Variants in SLC1A3 observed in about 807,000 individuals in gnomAD.
SLC1A3 encodes excitatory amino acid transporter 1.
In SLC1A3, 21 loss-of-function variants were observed where a neutral mutation model predicts 48.1. The observed-to-expected ratio is 0.44, with a 90% CI of 0.31 to 0.63. SLC1A3 has a LOEUF of 0.63. Ranked by LOEUF, SLC1A3 falls within the 20% of genes least tolerant of loss-of-function variation. The pLI is 0.08. For missense variants in SLC1A3, 546 were observed against 689.0 expected (o/e 0.79, Z 2.32); for synonymous variants, 239 against 251.4 (o/e 0.95, Z 0.47).
Position 36,600,355 on chromosome 5 carries a change from G to A in SLC1A3, c.-96+3677G>A, listed in dbSNP as rs535789881. Among the ~76,000 whole-genome samples the A allele has an allele frequency of 4.3e-4, 66 of 152,268 alleles. 1 individual carries two copies. Among genetic ancestry groups the A allele is most frequent in the African/African-American group, 1.5e-3 (63 of 41,546 alleles). On this transcript the variant is annotated intron_variant, in intron 1 of 9. Coordinates refer to the SLC1A3 transcript ENST00000680318. ...CCTCACCTCACTCTTCAGTTTGGAG[G>A]AGAGGACCTCCTACAATACTGTATT...
At chr5:36,623,247 A>G (rs1739758031) in intron 2 of SLC1A3, among the ~76,000 whole-genome samples, 1 of 152,172 alleles carries the variant, frequency 6.6e-6, no homozygotes, top group South Asian at 2.1e-4. Context: ...GTAAAACAGA[A>G]ATCTTAACTA....
At chr5:36,673,530 G>C (rs1463016650) in intron 4 of SLC1A3, among the ~76,000 whole-genome samples, 1 of 152,140 alleles carries the variant, frequency 6.6e-6, no homozygotes, top group Admixed American at 6.5e-5. Flanking sequence ...CTCTCCATTG[G>C]CTACCAAAGA....
chr5:36,609,359 C>T (rs1739101754), intron 2 of SLC1A3: 1 of 687,676 alleles, frequency 1.5e-6, no homozygotes, highest in Admixed American at 6.3e-5. Flanking sequence ...CTGAAAAAAC[C>T]TACTTATTTG....
Position 36,683,958 on chromosome 5 carries a change from A to G in SLC1A3, c.1384A>G (p.Thr462Ala), listed in dbSNP as rs1255797502. 1 of 1,614,176 alleles carries G rather than the reference A, an allele frequency of 6.2e-7. No homozygotes were observed. ...TGTGCTGACATCTGTCGGCCTGCCC[A>G]CTGACGACATCACGCTCATCATCGC... ...VIVLTSVGLP[T>A]DDITLIIAVD... is the part of the protein sequence containing the mutation. Residue 462 changes from threonine (T) to alanine (A), a missense_variant, in exon 9 of 10, where the codon ACT (threonine) becomes GCT (alanine). Coordinates refer to ENST00000265113, the MANE Select transcript of SLC1A3 (RefSeq NM_004172.5).
chr5:36,654,585 C>T (rs935986202), intron 3 of SLC1A3, among the ~76,000 whole-genome samples: 2 of 152,150 alleles, frequency 1.3e-5, no homozygotes, highest in African/African-American at 2.4e-5. Context: ...CATTTCCTTT[C>T]CCCTAGCAAG....
At chr5:36,682,608 C>G (rs1010763893) in intron 8 of SLC1A3, among the ~76,000 whole-genome samples, 1 of 152,218 alleles carries the variant, frequency 6.6e-6, no homozygotes, top group South Asian at 2.1e-4. Flanking sequence ...CAGCTCTGCT[C>G]CACAAAGCCT....
intron 9 of SLC1A3, among the ~76,000 whole-genome samples, chr5:36,685,209 G>T (rs975202113): frequency 6.6e-5 from 10 of 152,020 alleles, no homozygotes; most frequent in Non-Finnish European, 1.3e-4. Context: ...AAACAAAAAG[G>T]TTATATATGC....
intron 2 of SLC1A3, among the ~76,000 whole-genome samples, chr5:36,614,351 G>A (rs1739340007): frequency 6.6e-6 from 1 of 152,102 alleles, no homozygotes; most frequent in Non-Finnish European, 1.5e-5. Context: ...GGAGGCTGGG[G>A]GGCAGAAGAT....
At chr5:36,648,345 A>G (rs1411859946) in intron 3 of SLC1A3, among the ~76,000 whole-genome samples, 1 of 152,188 alleles carries the variant, frequency 6.6e-6, no homozygotes, top group Non-Finnish European at 1.5e-5. Flanking sequence ...AAACCTTTTT[A>G]TTAACGATTA....
intron 8 of SLC1A3, among the ~76,000 whole-genome samples, chr5:36,681,471 CAGTGTA>C (rs1430303525): frequency 6.6e-6 from 1 of 152,106 alleles, no homozygotes; most frequent in Non-Finnish European, 1.5e-5. Flanking sequence ...AATTTTTAGA[CAGTGTA>C]AGATAGATGA....
intron 3 of SLC1A3, among the ~76,000 whole-genome samples, chr5:36,652,879 T>G (rs1296086871): frequency 5.3e-5 from 8 of 152,222 alleles, no homozygotes; most frequent in Non-Finnish European, 1.2e-4. Context: ...CTGCTGTGAA[T>G]AGCAAACTTG....
intron 3 of SLC1A3, among the ~76,000 whole-genome samples, chr5:36,651,271 C>T (rs1408715356): frequency 3.3e-5 from 5 of 152,010 alleles, no homozygotes; most frequent in East Asian, 3.9e-4. Context: ...CTGCCCTCTA[C>T]TATGGCCACC....
upstream of SLC1A3, among the ~76,000 whole-genome samples, chr5:36,606,078 G>A (rs1407822692): frequency 6.6e-6 from 1 of 152,234 alleles, no homozygotes; most frequent in East Asian, 1.9e-4. Flanking sequence ...CTGAAATAGA[G>A]GCATGTCCCT....
At position 36,687,362 on chromosome 5, in the gene SLC1A3, A is replaced by G. The variant is rs1320076874; in HGVS notation, c.*1093A>G. 6.6e-6 allele frequency: 1 copy of G among 152,240 alleles called. No homozygotes were observed. The highest frequency in any genetic ancestry group is 1.9e-4 in the East Asian group (1 of 5,198). The allele number at this position is 152,240 out of a possible 1,614,324, so 9.4% of individuals were successfully genotyped here. A position where few individuals can be genotyped will look rare whatever the true frequency, so the allele number is the denominator to read the frequency against. ...GCAACATTACAAACAAAGGATTTGAAAACACCAAGAGTACAGGTCTTCTTT... is the reference window on the plus strand; with the variant it reads ...GCAACATTACAAACAAAGGATTTGAGAACACCAAGAGTACAGGTCTTCTTT... On this transcript the variant is annotated 3_prime_UTR_variant, in exon 10 of 10. Coordinates refer to ENST00000265113, the MANE Select transcript of SLC1A3 (RefSeq NM_004172.5).
chr5:36,652,019 C>T (rs1741098789), intron 3 of SLC1A3, among the ~76,000 whole-genome samples: 1 of 152,200 alleles, frequency 6.6e-6, no homozygotes, highest in African/African-American at 2.4e-5. Context: ...TTGCACCCTA[C>T]TGCCAATTTA....
At chr5:36,619,602 C>T (rs1488558342) in intron 2 of SLC1A3, among the ~76,000 whole-genome samples, 3 of 152,152 alleles carry the variant, frequency 2.0e-5, no homozygotes, top group Non-Finnish European at 4.4e-5. Context: ...GAGTAAGACC[C>T]TAGCTCTAAA....
chr5:36,678,614 T>G (rs1189436831), intron 6 of SLC1A3, among the ~76,000 whole-genome samples: 2 of 152,238 alleles, frequency 1.3e-5, no homozygotes, highest in African/African-American at 4.8e-5. Flanking sequence ...GAGACCCTTC[T>G]TCTTAAGTGT....
chr5:36,672,180 G>A (rs921911538), intron 4 of SLC1A3, among the ~76,000 whole-genome samples: 4 of 152,158 alleles, frequency 2.6e-5, no homozygotes, highest in African/African-American at 9.7e-5. Flanking sequence ...ATGGAGGAAG[G>A]GAGCTGCCAC....
At position 36,607,004 on chromosome 5, in the gene SLC1A3, A is replaced by G. The variant is rs562011560; in HGVS notation, c.-96+269A>G. On this transcript the variant is annotated intron_variant, in intron 1 of 9. Transcript: ENST00000265113. Reference sequence around the variant, plus strand: ...GGATCAAGGTTGAGCGGATCTGCTTAAAAGTGACTGGTAAGAGGAATCAGA... The same window carrying G: ...GGATCAAGGTTGAGCGGATCTGCTTGAAAGTGACTGGTAAGAGGAATCAGA... The G allele has an allele frequency of 2.0e-5, 3 of 151,160 alleles. No individual in the cohort carries two copies. In the South Asian group the frequency reaches 6.3e-4, roughly 32 times the overall value. The allele number at this position is 151,160 out of a possible 1,614,324, so 9.4% of individuals were successfully genotyped here. A position where few individuals can be genotyped will look rare whatever the true frequency, so the allele number is the denominator to read the frequency against.
Sources: allele counts gnomAD v4.1 joint callset (sites outside exome capture counted in the v4.1 genomes callset), GRCh38; gene constraint gnomAD v4.1.1; transcripts MANE v1.5; gene names NCBI Gene and HGNC (gene_info 2026-07-23, HGNC 2026-07-21).